PHGDH: variants seen among roughly 807,000 people sequenced by gnomAD.
PHGDH encodes the protein D-3-phosphoglycerate dehydrogenase.
In PHGDH, 50 loss-of-function variants were observed where a neutral mutation model predicts 52.6. That is an observed-to-expected ratio of 0.95 (90% CI 0.76 to 1.20). The LOEUF is 1.20. Ranked by LOEUF, PHGDH falls within the 50% of genes most tolerant of loss-of-function variation. The pLI, the probability that PHGDH is intolerant of heterozygous loss-of-function variation, is 0.00. For missense variants in PHGDH, 630 were observed against 684.6 expected (o/e 0.92, Z 0.89); for synonymous variants, 271 against 280.5 (o/e 0.97, Z 0.34).
At position 119,741,815 on chromosome 1, in the gene PHGDH, T is replaced by C. The variant is rs1652221190; in HGVS notation, c.1127T>C (p.Val376Ala). 3 of 1,613,424 alleles carry C rather than the reference T, an allele frequency of 1.9e-6. No homozygotes were observed. In the East Asian group the frequency reaches 6.7e-5, roughly 36 times the overall value. Reference protein sequence around the residue: ...AGNCLSPAVIVGLLKEASKQA... With the variant: ...AGNCLSPAVIAGLLKEASKQA... ...AACTGCCTAAGCCCCGCAGTCATTG[T>C]CGGCCTCCTGAAAGAGGCTTCCAAG... The change falls in exon 10 of 12, where the codon GTC (valine) becomes GCC (alanine). Residue 376 changes from valine to alanine, a missense_variant. Transcript: ENST00000641023.
chr1:119,741,988 C>T lies in PHGDH; in HGVS notation c.1209+91C>T, dbSNP rs1652231429. 8 of 1,138,976 alleles carry T rather than the reference C, an allele frequency of 7.0e-6. No homozygotes were observed. The Admixed American group carries it at 7.2e-5, about 10-fold the overall frequency. 70.6% of individuals were successfully genotyped at this position (1,138,976 alleles called of 1,614,324 possible). A position where few individuals can be genotyped will look rare whatever the true frequency, so the allele number is the denominator to read the frequency against. On this transcript the variant is annotated intron_variant, in intron 10 of 11. Transcript: ENST00000641023. ...CAGAGCCCGTTCTCTGAGCGGAGGC[C>T]TAGGTCCCAGCCTTGCATCGGCCTG...
intron 3 of PHGDH, 47 bp from the exon 4 acceptor site, chr1:119,726,804 T>C (rs1651441548): frequency 6.6e-7 from 1 of 1,511,852 alleles, no homozygotes; most frequent in Non-Finnish European, 9.2e-7. Flanking sequence ...CTTCCTGGGC[T>C]GGCGGGAGTC....
chr1:119,726,932 C>G (rs755789537), intron 4 of PHGDH, 27 bp downstream of exon 4: 1 of 1,612,580 alleles, frequency 6.2e-7, no homozygotes, highest in Non-Finnish European at 8.5e-7. Flanking sequence ...ACTCGCCCCA[C>G]CTGGGCTCAG....
Position 119,727,064 on chromosome 1 carries a change from A to C in PHGDH, c.472A>C (p.Arg158=). ...LGILGLGRIG[R]EVATRMQSFG... ...AATTCTTGGCCTGGGCAGGATTGGG[A>C]GAGAGGTAGCTACCCGGATGCAGTC... Residue 158 remains arginine (R), a synonymous_variant, in exon 5 of 12, where the codon AGA becomes CGA. Coordinates refer to ENST00000641023, the MANE Select transcript of PHGDH (RefSeq NM_006623.4). 1.9e-6 allele frequency: 3 copies of C among 1,612,632 alleles called. No homozygotes were observed. Among genetic ancestry groups the C allele is most frequent in the Non-Finnish European group, 2.5e-6 (3 of 1,178,574 alleles).
chr1:119,740,578 C>T, intron 9 of PHGDH, 60 bp downstream of exon 9: 1 of 1,414,278 alleles, frequency 7.1e-7, no homozygotes, highest in Non-Finnish European at 9.7e-7. Flanking sequence ...TGGGATCTGC[C>T]CTGCTGGGTG....
chr1:119,729,158 T>C (rs1485388359), intron 5 of PHGDH, among the ~76,000 whole-genome samples: 1 of 152,168 alleles, frequency 6.6e-6, no homozygotes, highest in Non-Finnish European at 1.5e-5. Context: ...GTATTCTTGA[T>C]CCCTGGACTC....
intron 10 of PHGDH, chr1:119,742,488 G>C: frequency 1.9e-6 from 1 of 517,506 alleles, no homozygotes; most frequent in Non-Finnish European, 3.5e-6. Context: ...GGCTGTGTCA[G>C]AGCAGGAGGG....
intron 8 of PHGDH, among the ~76,000 whole-genome samples, chr1:119,737,650 T>A (rs673816): frequency 0.39 from 58,768 of 151,956 alleles, 12,623 homozygotes; most frequent in East Asian, 0.57. Context: ...GGGACGGCCA[T>A]GTAGAAATTT....
Position 119,721,009 on chromosome 1 carries a change from C to G in PHGDH, c.139-161C>G, listed in dbSNP as rs921084199. ...CAGCATGAGTCCTAGCCCACATTTC[C>G]CTAGTGAGTATACCAAAGATATCTA... On this transcript the variant is annotated intron_variant, in intron 1 of 11. Transcript: ENST00000641023. 37 of 749,720 alleles carry G rather than the reference C, an allele frequency of 4.9e-5. No individual in the cohort carries two copies. The African/African-American group carries it at 5.8e-4, about 12-fold the overall frequency. The allele number at this position is 749,720 out of a possible 1,614,324, so 46.4% of individuals were successfully genotyped here.
chr1:119,728,579 C>T (rs1363441465), intron 5 of PHGDH, among the ~76,000 whole-genome samples: 1 of 152,184 alleles, frequency 6.6e-6, no homozygotes, highest in African/African-American at 2.4e-5. Context: ...TGGCTACTCC[C>T]TTAGCCTGAT....
Position 119,742,903 on chromosome 1 carries a change from G to A in PHGDH, c.1306G>A (p.Gly436Ser). ...ALAGAPYQAV[G>S]LVQGTTPVLQ... The stretch of plus-strand genomic sequence containing the variant: ...GGCAGGCGCCCCTTACCAGGCTGTG[G>A]GCTTGGTCCAAGGCACTACGCCTGT... Residue 436 changes from glycine to serine, a missense_variant, in exon 11 of 12, where the codon GGC becomes AGC. Physicochemically the swap from Gly to Ser is moderately conservative, Grantham distance 56. Transcript: ENST00000641023. 6.2e-7 allele frequency: 1 copy of A among 1,613,780 alleles called. No individual in the cohort carries two copies. The highest frequency in any genetic ancestry group is 8.5e-7 in the Non-Finnish European group (1 of 1,179,622).
intron 1 of PHGDH, chr1:119,720,528 T>G (rs1309553745): frequency 6.3e-6 from 1 of 158,360 alleles, no homozygotes; most frequent in African/African-American, 2.4e-5. Context: ...GAGGTAGTGA[T>G]GTTCATTAAG....
intron 9 of PHGDH, 100 bp from the exon 10 acceptor site, chr1:119,741,667 C>T (rs1485076097): frequency 3.6e-5 from 40 of 1,105,160 alleles, no homozygotes; most frequent in Non-Finnish European, 5.3e-5. Flanking sequence ...CCCAGGGCAG[C>T]GAGGAGCCCA....
At chr1:119,719,830 G>T (rs1185727502) in intron 1 of PHGDH, 1 of 152,254 alleles carries the variant, frequency 6.6e-6, no homozygotes, top group East Asian at 1.9e-4. Flanking sequence ...GGGAATGAAG[G>T]TAAAAGAAGG....
At chr1:119,736,337 C>T (rs758394252) in intron 7 of PHGDH, among the ~76,000 whole-genome samples, 7 of 152,274 alleles carry the variant, frequency 4.6e-5, no homozygotes, top group Non-Finnish European at 1.0e-4. Flanking sequence ...CTCTCTTCAG[C>T]ATCCTTGAAC....
intron 5 of PHGDH, among the ~76,000 whole-genome samples, chr1:119,733,695 T>A (rs1454776716): frequency 2.0e-5 from 3 of 152,194 alleles, no homozygotes; most frequent in African/African-American, 7.2e-5. Flanking sequence ...AATTTATGAA[T>A]AATGTAGTAG....
chr1:119,723,254 G>GCGT, intron 2 of PHGDH, 122 bp from the exon 3 acceptor site: 1 of 807,980 alleles, frequency 1.2e-6, no homozygotes, highest in East Asian at 2.4e-5. Flanking sequence ...CTGGACAGTG[G>GCGT]CGTGGTCAGT....
intron 5 of PHGDH, 196 bp downstream of exon 5, chr1:119,727,298 T>C: frequency 1.6e-6 from 1 of 617,186 alleles, no homozygotes; most frequent in Non-Finnish European, 2.9e-6. Context: ...CTGGAAATAC[T>C]TGGTGGGGGT....
chr1:119,719,500 T>G (rs760468502), intron 1 of PHGDH: 4 of 152,204 alleles, frequency 2.6e-5, no homozygotes, highest in Non-Finnish European at 5.9e-5. Context: ...CCTGCATGTT[T>G]CTCTCTGCTG....
Sources: gnomAD v4.1 joint callset for allele counts (sites outside exome capture counted in the v4.1 genomes callset) on GRCh38, gnomAD v4.1.1 for gene constraint, MANE v1.5 for transcripts, NCBI Gene and HGNC (gene_info 2026-07-23, HGNC 2026-07-21) for gene names.